The following KLHL17 variants were observed in gnomAD, a reference collection of about 807,000 sequenced individuals.
KLHL17 encodes the protein kelch-like protein 17.
In KLHL17, 71 loss-of-function variants were observed where a neutral mutation model predicts 64.6. The observed-to-expected ratio is 1.10, with a 90% confidence interval of 0.91 to 1.34. The LOEUF (loss-of-function observed/expected upper bound fraction) is 1.34. Among genes scored for constraint, KLHL17 ranks in the 40% most tolerant of loss-of-function variants. The pLI, the probability that KLHL17 is intolerant of heterozygous loss-of-function variation, is 0.00. For missense variants in KLHL17, 1,140 were observed against 935.0 expected (o/e 1.22, Z -2.86); for synonymous variants, 612 against 405.4 (o/e 1.51, Z -6.12).
rs750664001 is a variant in KLHL17 at position 963,978 on chromosome 1, C to T, written c.1414C>T (p.Arg472Trp). The change falls in exon 9 of 12, where the codon CGG becomes TGG. Residue 472 changes from arginine to tryptophan, a missense_variant. By Grantham distance (101) the Arg-to-Trp change is moderately radical. Coordinates refer to ENST00000338591, the MANE Select transcript of KLHL17 (RefSeq NM_198317.3). ...TWTSVAAMST[R>W]RRYVRVATLD... ...GACGTCCGTCGCTGCCATGAGCACC[C>T]GGAGGCGCTATGTGCGAGTGGCCAC... 11 of 1,612,598 alleles carry T rather than the reference C, an allele frequency of 6.8e-6. No homozygotes were observed. The highest frequency in any genetic ancestry group is 1.1e-5 in the South Asian group (1 of 91,082).
chr1:962,821 A>G lies in KLHL17; in HGVS notation c.946A>G (p.Lys316Glu), dbSNP rs1457275275. ...DCKDLLIEAL[K>E]FHLLPEQRGV... ...CAAGGACCTCCTCATCGAGGCCCTG[A>G]AGTTCCACCTGCTGCCTGAGCAGAG... The change falls in exon 6 of 12, where the codon AAG (lysine) becomes GAG (glutamate). Residue 316 changes from lysine (K) to glutamate (E), a missense_variant. Lys to Glu is a moderately conservative substitution (Grantham distance 56, BLOSUM62 1). Coordinates refer to ENST00000338591, the MANE Select transcript of KLHL17 (RefSeq NM_198317.3). 1 of 1,607,606 alleles carries G rather than the reference A, an allele frequency of 6.2e-7. No individual in the cohort carries two copies. The highest frequency in any genetic ancestry group is 8.5e-7 in the Non-Finnish European group (1 of 1,178,770).
rs760365107 is a variant in KLHL17, at chr1:963,355, C to T, written c.1206C>T (p.Asp402=). Residue 402 remains aspartate, a synonymous_variant, in exon 8 of 12, where the codon GAC becomes GAT. Transcript: ENST00000338591. The part of the protein sequence containing the change: ...YAVGGYDGTS[D]LATVESYDPV... ...CCGCTAGCTATGATGGGACCTCAGA[C>T]CTGGCTACCGTGGAGTCCTACGACC... 9 of 1,610,644 alleles carry T rather than the reference C, an allele frequency of 5.6e-6. No homozygotes were observed. The highest frequency in any genetic ancestry group is 1.3e-5 in the African/African-American group (1 of 74,928).
rs1485589074 is a variant in KLHL17, at chr1:962,901, T to C, written c.1026T>C (p.Pro342=). 6.4e-7 allele frequency: 1 copy of C among 1,553,766 alleles called. No homozygotes were observed. The highest frequency in any genetic ancestry group is 8.7e-7 in the Non-Finnish European group (1 of 1,153,988). ...CCCGGCGCTGCGAGGGGGCCGGGCC[T>C]GTGCTTTTTGCTGTGGGTATGGCCC... ...TRPRRCEGAG[P]VLFAVGGGSL... The change falls in exon 6 of 12, where the codon CCT becomes CCC. Residue 342 remains proline, a synonymous_variant. Transcript: ENST00000338591.
chr1:964,000 C>T lies in KLHL17; in HGVS notation c.1436C>T (p.Ala479Val), dbSNP rs751447032. 1.2e-6 allele frequency: 2 copies of T among 1,612,592 alleles called. No homozygotes were observed. Among genetic ancestry groups the T allele is most frequent in the East Asian group, 2.2e-5 (1 of 44,888 alleles). Reference protein sequence around the residue: ...MSTRRRYVRVATLDGNLYAVG... With the variant: ...MSTRRRYVRVVTLDGNLYAVG... Reference sequence around the variant, plus strand: ...ACCCGGAGGCGCTATGTGCGAGTGGCCACGCTTGGTGGGTGATGGGGCCTG... The same window carrying T: ...ACCCGGAGGCGCTATGTGCGAGTGGTCACGCTTGGTGGGTGATGGGGCCTG... Residue 479 changes from alanine (A) to valine (V), a missense_variant, in exon 9 of 12, where the codon GCC becomes GTC. By Grantham distance (64) the Ala-to-Val change is moderately conservative. Transcript: ENST00000338591.
chr1:963,838 A>T, intron 8 of KLHL17, 82 bp from the exon 9 acceptor site: 1 of 1,440,524 alleles, frequency 6.9e-7, no homozygotes, highest in East Asian at 2.3e-5. Context: ...GATTTCAGCC[A>T]TTCCGCTGGG....
In KLHL17 at chr1:963,873, G is replaced by A. The variant is rs376542822; in HGVS notation, c.1356-47G>A. 8.9e-5 allele frequency: 141 copies of A among 1,583,312 alleles called. 3 individuals are homozygous for A. The Admixed American group carries it at 1.2e-3, about 14-fold the overall frequency. ...GGAGGGCAGGTCCTGGGGCCGGGAC[G>A]CCTTTCTGTCTCTGCTGAGCTGTGG... On this transcript the variant is annotated intron_variant, in intron 8 of 11. Coordinates refer to ENST00000338591, the MANE Select transcript of KLHL17 (RefSeq NM_198317.3).
At chr1:961,260 C>G in intron 1 of KLHL17, 33 bp from the exon 2 acceptor site, 1 of 1,358,456 alleles carries the variant, frequency 7.4e-7, no homozygotes, top group Non-Finnish European at 9.4e-7. Flanking sequence ...GCGGCTCCAG[C>G]GGGGCGAAGC....
In KLHL17 at chr1:961,534, T is replaced by C; in HGVS notation, c.349T>C (p.Phe117Leu). ...GGTGCTGGCCTCCTGCAGCCCCTAC[T>C]TCCACGCCATGTTCACAAGCAAGTA... is the stretch of plus-strand genomic sequence containing the variant. ...KVVLASCSPY[F>L]HAMFTNEMSE... The change falls in exon 2 of 12, where the codon TTC becomes CTC. Residue 117 changes from phenylalanine (F) to leucine (L), a missense_variant. By Grantham distance (22) the Phe-to-Leu change is conservative. Coordinates refer to ENST00000338591, the MANE Select transcript of KLHL17 (RefSeq NM_198317.3). The C allele has an allele frequency of 6.2e-7, 1 of 1,612,606 alleles. No individual in the cohort carries two copies. The highest frequency in any genetic ancestry group is 8.5e-7 in the Non-Finnish European group (1 of 1,179,960).
Position 960,709 on chromosome 1 carries a change from G to C in KLHL17, c.16G>C (p.Glu6Gln). Residue 6 changes from glutamate (E) to glutamine (Q), a missense_variant, in exon 1 of 12, where the codon GAG becomes CAG. Glu to Gln is a conservative substitution (Grantham distance 29). Coordinates refer to ENST00000338591, the MANE Select transcript of KLHL17 (RefSeq NM_198317.3). MQPRSERPAGRTQSPE... is the reference protein window; with the variant it reads MQPRSQRPAGRTQSPE... Reference sequence around the variant, plus strand: ...CGGCAGCCGAATGCAGCCCCGCAGCGAGCGCCCGGCCGGCAGGACGCAGAG... The same window carrying C: ...CGGCAGCCGAATGCAGCCCCGCAGCCAGCGCCCGGCCGGCAGGACGCAGAG... The C allele has an allele frequency of 7.4e-7, 1 of 1,355,580 alleles. No homozygotes were observed. The allele number at this position is 1,355,580 out of a possible 1,614,324, so 84.0% of individuals were successfully genotyped here. A position where few individuals can be genotyped will look rare whatever the true frequency, so the allele number is the denominator to read the frequency against.
In KLHL17 at chr1:963,112, G is replaced by A. The variant is rs1374202172; in HGVS notation, c.1046G>A (p.Gly349Asp). 6.2e-7 allele frequency: 1 copy of A among 1,611,638 alleles called. No individual in the cohort carries two copies. The highest frequency in any genetic ancestry group is 8.5e-7 in the Non-Finnish European group (1 of 1,179,422). The change falls in exon 7 of 12, where the codon GGC (glycine) becomes GAC (aspartate). Residue 349 changes from glycine to aspartate, a missense_variant. By Grantham distance (94) the Gly-to-Asp change is moderately conservative. Coordinates refer to ENST00000338591, the MANE Select transcript of KLHL17 (RefSeq NM_198317.3). The stretch of plus-strand genomic sequence containing the variant: ...CGTCTCCACCTGCCCTCCCCAGGCG[G>A]CGGGAGCCTGTTTGCCATCCACGGA... Reference protein sequence around the residue: ...GAGPVLFAVGGGSLFAIHGDC... With the variant: ...GAGPVLFAVGDGSLFAIHGDC...
rs1195363543 is a variant in KLHL17, at chr1:965,048, A to G, written c.1786A>G (p.Lys596Glu). 6.2e-7 allele frequency: 1 copy of G among 1,612,464 alleles called. No individual in the cohort carries two copies. Among genetic ancestry groups the G allele is most frequent in the Non-Finnish European group, 8.5e-7 (1 of 1,179,856 alleles). ...TAGCTCCAGCCTCAACTCCATCGAG[A>G]AGTACAACCCGAGGACCAACAAGTG... Reference protein sequence around the residue: ...DGSSSLNSIEKYNPRTNKWVA... With the variant: ...DGSSSLNSIEEYNPRTNKWVA... Residue 596 changes from lysine to glutamate, a missense_variant, in exon 12 of 12, where the codon AAG (lysine) becomes GAG (glutamate). Transcript: ENST00000338591.
chr1:964,235 C>T (rs538353409), intron 10 of KLHL17, 55 bp downstream of exon 10: 411 of 1,604,390 alleles, frequency 2.6e-4, no homozygotes, highest in Non-Finnish European at 3.2e-4. Context: ...GGGCCCTCCT[C>T]CCTCTGTTTA....
chr1:960,682 T>G lies in KLHL17; in HGVS notation c.-12T>G. On this transcript the variant is annotated 5_prime_UTR_variant, in exon 1 of 12. Coordinates refer to ENST00000338591, the MANE Select transcript of KLHL17 (RefSeq NM_198317.3). ...GGGTCCTCCGCGAATCGGCGGTGGGTCCGGCAGCCGAATGCAGCCCCGCAG... is the reference window on the plus strand; with the variant it reads ...GGGTCCTCCGCGAATCGGCGGTGGGGCCGGCAGCCGAATGCAGCCCCGCAG... The G allele has an allele frequency of 7.3e-7, 1 of 1,370,024 alleles. No homozygotes were observed. The highest frequency in any genetic ancestry group is 9.5e-7 in the Non-Finnish European group (1 of 1,055,232). 84.9% of individuals were successfully genotyped at this position (1,370,024 alleles called of 1,614,324 possible).
Position 962,051 on chromosome 1 carries a change from A to T in KLHL17, c.711+4A>T. ...TATGCTGCTGCCCCTGAAACAGGTAACAGCTGGCGGGCCCAGCCCTCGCCC... is the reference window on the plus strand; with the variant it reads ...TATGCTGCTGCCCCTGAAACAGGTATCAGCTGGCGGGCCCAGCCCTCGCCC... On this transcript the variant is annotated splice_donor_region_variant and intron_variant, in intron 4 of 11. Coordinates refer to ENST00000338591, the MANE Select transcript of KLHL17 (RefSeq NM_198317.3). The T allele has an allele frequency of 6.2e-7, 1 of 1,612,144 alleles. No individual in the cohort carries two copies. The highest frequency in any genetic ancestry group is 8.5e-7 in the Non-Finnish European group (1 of 1,179,562).
At position 960,764 on chromosome 1, in the gene KLHL17, C is replaced by T. The variant is rs1642600957; in HGVS notation, c.71C>T (p.Pro24Leu). ...SPEHGSPGPG[P>L]EAPPPPPPQP... ...GAGCACGGCAGCCCGGGGCCCGGGC[C>T]CGAGGCGCCGCCGCCTCCACCGCCG... The change falls in exon 1 of 12, where the codon CCC becomes CTC. Residue 24 changes from proline (P) to leucine (L), a missense_variant. By Grantham distance (98) the Pro-to-Leu change is moderately conservative. Transcript: ENST00000338591. The T allele has an allele frequency of 2.6e-6, 3 of 1,139,544 alleles. No homozygotes were observed. The highest frequency in any genetic ancestry group is 8.4e-5 in the South Asian group (2 of 23,846). 70.6% of individuals were successfully genotyped at this position (1,139,544 alleles called of 1,614,324 possible). A position where few individuals can be genotyped will look rare whatever the true frequency, so the allele number is the denominator to read the frequency against.
chr1:960,702 C>G lies in KLHL17; in HGVS notation c.9C>G (p.Pro3=). 1 of 1,359,938 alleles carries G rather than the reference C, an allele frequency of 7.4e-7. No homozygotes were observed. Among genetic ancestry groups the G allele is most frequent in the Admixed American group, 3.0e-5 (1 of 33,602 alleles). 84.2% of individuals were successfully genotyped at this position (1,359,938 alleles called of 1,614,324 possible). A position where few individuals can be genotyped will look rare whatever the true frequency, so the allele number is the denominator to read the frequency against. ...GTGGGTCCGGCAGCCGAATGCAGCC[C>G]CGCAGCGAGCGCCCGGCCGGCAGGA... The part of the protein sequence containing the change: MQ[P]RSERPAGRTQ... Residue 3 remains proline, a synonymous_variant, in exon 1 of 12, where the codon CCC becomes CCG. Transcript: ENST00000338591.
In KLHL17 at chr1:961,968, AG is replaced by A; in HGVS notation, c.634del (p.Ala212ProfsTer24). ...ADAHSCSDLL[K>X]AAHRYVLQHF... Reference sequence around the variant, plus strand: ...GCGCACTCCTGCAGCGACCTGCTCAAGGCCGCCCACAGGTACGTGCTGCAGC... The same window carrying A: ...GCGCACTCCTGCAGCGACCTGCTCAAGCCGCCCACAGGTACGTGCTGCAGC... On this transcript the variant is annotated frameshift_variant, in exon 4 of 12. Transcript: ENST00000338591. LOFTEE classifies it high-confidence loss of function. 1 of 1,612,906 alleles carries A rather than the reference AG, an allele frequency of 6.2e-7. No homozygotes were observed.
intron 4 of KLHL17, 57 bp downstream of exon 4, chr1:962,104 C>G (rs535365271): frequency 2.7e-6 from 3 of 1,123,602 alleles, no homozygotes; most frequent in Middle Eastern, 2.2e-4. Flanking sequence ...CAGTCTTTGT[C>G]TTTGACTCCC....
At chr1:964,285 G>C (rs554451325) in intron 10 of KLHL17, 64 bp from the exon 11 acceptor site, 3 of 1,585,408 alleles carry the variant, frequency 1.9e-6, no homozygotes, top group Non-Finnish European at 2.6e-6. Flanking sequence ...CCCTGGAGTC[G>C]GGGCTGCGGC....
Sources: allele counts gnomAD v4.1 joint callset, GRCh38; gene constraint gnomAD v4.1.1; transcripts MANE v1.5; gene names NCBI Gene and HGNC (gene_info 2026-07-23, HGNC 2026-07-21).